The following SPRR2G variants were observed in gnomAD, a reference collection of about 807,000 sequenced individuals.
SPRR2G encodes small proline rich protein 2G.
A neutral mutation model predicts 0.7 loss-of-function variants in SPRR2G; 1 was observed. That is an observed-to-expected ratio of 1.49 (90% confidence interval 0.53 to 7.06). The LOEUF is 7.06. SPRR2G is among the 30% of genes most tolerant of loss of function. The pLI, the probability that SPRR2G is intolerant of heterozygous loss-of-function variation, is 0.14. For synonymous variants in SPRR2G, 38 were observed against 33.9 expected (o/e 1.12, Z -0.42); for missense variants, 96 against 88.5 (o/e 1.09, Z -0.34).
the SPRR2G span, among the ~76,000 whole-genome samples, chr1:153,161,041 C>T: frequency 0.5 from 73,031 of 145,252 alleles, 18,650 homozygotes; most frequent in Non-Finnish European, 0.57. Flanking sequence ...AATTGAACAA[C>T]GAGAACACAT....
At chr1:153,159,973 T>G in the SPRR2G span, among the ~76,000 whole-genome samples, 1 of 152,188 alleles carries the variant, frequency 6.6e-6, no homozygotes, top group South Asian at 2.1e-4. Context: ...AACCAGATTG[T>G]TAACCATAGG....
At chr1:153,177,151 C>G in the SPRR2G span, among the ~76,000 whole-genome samples, 4 of 152,140 alleles carry the variant, frequency 2.6e-5, no homozygotes, top group Non-Finnish European at 5.9e-5. Flanking sequence ...AACATAGTGT[C>G]TTGATACACA....
chr1:153,158,106 C>T, the SPRR2G span, among the ~76,000 whole-genome samples: 1 of 152,134 alleles, frequency 6.6e-6, no homozygotes, highest in Non-Finnish European at 1.5e-5. Context: ...AATCTCATGT[C>T]CTTTTCACAT....
At chr1:153,194,968 C>T in the SPRR2G span, among the ~76,000 whole-genome samples, 1 of 152,218 alleles carries the variant, frequency 6.6e-6, no homozygotes, top group Non-Finnish European at 1.5e-5. Context: ...AGCTCCTCCA[C>T]TGCTGTCACT....
the SPRR2G span, among the ~76,000 whole-genome samples, chr1:153,163,769 T>C: frequency 6.6e-6 from 1 of 152,176 alleles, no homozygotes; most frequent in African/African-American, 2.4e-5. Context: ...TGGGAGGCCA[T>C]AGGAATGATA....
At chr1:153,197,378 G>A in the SPRR2G span, among the ~76,000 whole-genome samples, 1 of 152,112 alleles carries the variant, frequency 6.6e-6, no homozygotes, top group East Asian at 1.9e-4. Flanking sequence ...GAATCTCTGG[G>A]CCTCATACAG....
chr1:153,168,630 A>G, the SPRR2G span, among the ~76,000 whole-genome samples: 5 of 152,208 alleles, frequency 3.3e-5, no homozygotes, highest in African/African-American at 4.8e-5. Context: ...TTTTGAAGGA[A>G]TTACATAAGC....
chr1:153,181,392 C>A, the SPRR2G span, among the ~76,000 whole-genome samples: 1 of 152,192 alleles, frequency 6.6e-6, no homozygotes, highest in South Asian at 2.1e-4. Flanking sequence ...GAGCATTTAT[C>A]GTTTATCTGT....
chr1:153,184,959 T>C, the SPRR2G span, among the ~76,000 whole-genome samples: 4 of 152,234 alleles, frequency 2.6e-5, no homozygotes, highest in African/African-American at 9.6e-5. Context: ...TCTATTGAGA[T>C]AATCATGTGG....
chr1:153,157,762 C>T, the SPRR2G span, among the ~76,000 whole-genome samples: 2 of 152,130 alleles, frequency 1.3e-5, no homozygotes, highest in Non-Finnish European at 2.9e-5. Context: ...CGTTCTCACA[C>T]TGCTTACAAG....
At chr1:153,194,383 A>G in the SPRR2G span, among the ~76,000 whole-genome samples, 1 of 152,176 alleles carries the variant, frequency 6.6e-6, no homozygotes, top group Admixed American at 6.5e-5. Flanking sequence ...CCTTCAAAAG[A>G]TTAGTTGGCA....
chr1:153,158,667 C>T, the SPRR2G span, among the ~76,000 whole-genome samples: 2 of 152,218 alleles, frequency 1.3e-5, no homozygotes, highest in Admixed American at 6.5e-5. Context: ...TGTGGGGGCT[C>T]CAACCCCACT....
the SPRR2G span, among the ~76,000 whole-genome samples, chr1:153,197,133 TGTGTGTG>T: frequency 3.6e-4 from 1 of 2,812 alleles, no homozygotes. Context: ...AGGCAGAGAA[TGTGTGTG>T]TGTGTGTGTG....
At chr1:153,172,039 C>T in the SPRR2G span, among the ~76,000 whole-genome samples, 16 of 152,112 alleles carry the variant, frequency 1.1e-4, no homozygotes, top group Admixed American at 1.3e-4. Context: ...CTTTAATCCT[C>T]CATTGAAATT....
chr1:153,150,935 C>G (rs1008687172), upstream of SPRR2G: 1 of 152,338 alleles, frequency 6.6e-6, no homozygotes, highest in Non-Finnish European at 1.5e-5. Flanking sequence ...GCAGGCAGCC[C>G]TACACAGGGA....
the SPRR2G span, among the ~76,000 whole-genome samples, chr1:153,173,512 T>G: frequency 5.9e-5 from 9 of 152,198 alleles, no homozygotes; most frequent in African/African-American, 2.2e-4. Flanking sequence ...AATGGAAATC[T>G]GCTCTAAAAT....
At chr1:153,180,743 A>C in the SPRR2G span, among the ~76,000 whole-genome samples, 1 of 152,160 alleles carries the variant, frequency 6.6e-6, no homozygotes. Context: ...CAGTGTGTGA[A>C]AGTTTCAATT....
the SPRR2G span, among the ~76,000 whole-genome samples, chr1:153,200,043 G>A: frequency 3.9e-5 from 6 of 152,114 alleles, no homozygotes; most frequent in Admixed American, 2.0e-4. Context: ...CATGTCCCTG[G>A]GCTGATACAA....
the SPRR2G span, among the ~76,000 whole-genome samples, chr1:153,188,646 G>A: frequency 8.5e-5 from 13 of 152,238 alleles, no homozygotes; most frequent in Admixed American, 2.6e-4. Context: ...AGATCACTTC[G>A]CTCCCTGGCT....
Sources: allele counts gnomAD v4.1 joint callset (sites outside exome capture counted in the v4.1 genomes callset), GRCh38; gene constraint gnomAD v4.1.1; transcripts MANE v1.5; gene names NCBI Gene and HGNC (gene_info 2026-07-23, HGNC 2026-07-21).